The following PCDHA5 variants were observed in gnomAD, a reference collection of about 807,000 sequenced individuals.
The protein encoded by PCDHA5 is protocadherin alpha 5.
Under a neutral mutation model 61.6 loss-of-function variants are expected in PCDHA5, and 43 were observed. The observed-to-expected ratio is 0.70, with a 90% CI of 0.55 to 0.90. PCDHA5 has a LOEUF of 0.90. Ranked by LOEUF, PCDHA5 falls within the 40% of genes least tolerant of loss-of-function variation. PCDHA5 has a pLI of 0.00. For missense variants in PCDHA5, 1,298 were observed against 1,222.7 expected, an observed-to-expected ratio of 1.06 and a Z score of -0.92; for synonymous variants, 627 against 543.9, an observed-to-expected ratio of 1.15 and a Z score of -2.13.
At chr5:141,009,001 A>G (rs1373262105) in intron 3 of PCDHA5, among the ~76,000 whole-genome samples, 1 of 152,246 alleles carries the variant, frequency 6.6e-6, no homozygotes, top group East Asian at 1.9e-4. Flanking sequence ...TAAAAGGAGC[A>G]TATTTTGCCT....
At chr5:140,907,179 G>A (rs1257591299) in intron 1 of PCDHA5, among the ~76,000 whole-genome samples, 2 of 152,160 alleles carry the variant, frequency 1.3e-5, no homozygotes, top group Non-Finnish European at 2.9e-5. Flanking sequence ...CTGATTCAGA[G>A]CATACACAAC....
intron 1 of PCDHA5, among the ~76,000 whole-genome samples, chr5:140,953,252 T>C (rs557973424): frequency 3.3e-5 from 5 of 152,318 alleles, no homozygotes; most frequent in Admixed American, 1.3e-4. Context: ...TTCAGTTTAG[T>C]TCTTTTAGCT....
At chr5:140,923,495 C>T (rs1274980788) in intron 1 of PCDHA5, among the ~76,000 whole-genome samples, 2 of 152,060 alleles carry the variant, frequency 1.3e-5, no homozygotes, top group African/African-American at 4.8e-5. Context: ...CACCACTGCA[C>T]TCCAGCCTGG....
At chr5:140,954,498 G>T (rs2095045375) in intron 1 of PCDHA5, among the ~76,000 whole-genome samples, 1 of 152,156 alleles carries the variant, frequency 6.6e-6, no homozygotes, top group Non-Finnish European at 1.5e-5. Context: ...TTGTGGTTTT[G>T]ATTTGCATTT....
At chr5:140,895,332 G>C (rs1021596445) in intron 1 of PCDHA5, among the ~76,000 whole-genome samples, 1 of 151,584 alleles carries the variant, frequency 6.6e-6, no homozygotes, top group South Asian at 2.1e-4. Context: ...TTCTCAAATT[G>C]TTTTACTATG....
intron 1 of PCDHA5, chr5:140,843,909 G>T: frequency 8.0e-6 from 5 of 623,976 alleles, no homozygotes; most frequent in Non-Finnish European, 1.4e-5. Context: ...CCACAAGTTG[G>T]GTCTATCTTG....
chr5:140,876,144 G>C (rs782301739), intron 1 of PCDHA5: 1 of 1,613,964 alleles, frequency 6.2e-7, no homozygotes, highest in South Asian at 1.1e-5. Context: ...AACTAACAGG[G>C]TCTGTCCAGA....
Position 140,822,661 on chromosome 5 carries a change from T to G in PCDHA5, c.886T>G (p.Ser296Ala). 6.2e-7 allele frequency: 1 copy of G among 1,609,178 alleles called. No homozygotes were observed. Residue 296 changes from serine to alanine, a missense_variant, in exon 1 of 4, where the codon TCT becomes GCT. By Grantham distance (99) the Ser-to-Ala change is moderately conservative. Coordinates refer to ENST00000529859, the MANE Select transcript of PCDHA5 (RefSeq NM_018908.3). ...DDVKSKFIIN[S>A]NTGEIKVNGE... ...TGTAAAGTCCAAATTTATAATTAAT[T>G]CTAATACTGGTGAAATAAAAGTTAA...
intron 1 of PCDHA5, chr5:140,836,574 G>A (rs2150264470): frequency 1.9e-6 from 3 of 1,613,706 alleles, no homozygotes; most frequent in East Asian, 4.5e-5. Flanking sequence ...CTCTGAGGGC[G>A]CATGTAGTTT....
intron 1 of PCDHA5, among the ~76,000 whole-genome samples, chr5:140,978,653 G>T (rs527551897): frequency 6.6e-6 from 1 of 152,196 alleles, no homozygotes; most frequent in Non-Finnish European, 1.5e-5. Flanking sequence ...TGTTCTTCCC[G>T]TAGTGTTTTA....
intron 1 of PCDHA5, chr5:140,968,189 TC>T: frequency 6.2e-7 from 1 of 1,614,034 alleles, no homozygotes; most frequent in Non-Finnish European, 8.5e-7. Context: ...GGACTCCTAT[TC>T]CATCTACATA....
intron 1 of PCDHA5, among the ~76,000 whole-genome samples, chr5:140,895,632 A>T (rs2065081182): frequency 6.6e-6 from 1 of 152,052 alleles, no homozygotes; most frequent in South Asian, 2.1e-4. Context: ...GTCTTTTCAC[A>T]TTCTTTTTTA....
At position 140,882,318 on chromosome 5, in the gene PCDHA5, G is replaced by A. The variant is rs534213144; in HGVS notation, c.2352+58191G>A. On this transcript the variant is annotated intron_variant, in intron 1 of 3. Transcript: ENST00000529859. ...CCAAGACCGCGGCAACTACTGCTCT[G>A]GCTTCTGATCCTCGCAGCCTGGGAG... 5 of 1,614,128 alleles carry A rather than the reference G, an allele frequency of 3.1e-6. No individual in the cohort carries two copies. In the African/African-American group the frequency reaches 6.7e-5, roughly 22 times the overall value.
chr5:140,905,963 G>A (rs182775194), intron 1 of PCDHA5, among the ~76,000 whole-genome samples: 9 of 152,308 alleles, frequency 5.9e-5, no homozygotes, highest in Admixed American at 5.9e-4. Flanking sequence ...TCAAGGGGAG[G>A]AAGATCCAGC....
chr5:140,985,885 G>A (rs1218097274), intron 3 of PCDHA5, among the ~76,000 whole-genome samples: 4 of 151,548 alleles, frequency 2.6e-5, no homozygotes, highest in Non-Finnish European at 5.9e-5. Flanking sequence ...GACTACAGGC[G>A]CCCGCCACCA....
rs2150360116 is a variant in PCDHA5 at position 140,843,442 on chromosome 5, A to G, written c.2352+19315A>G. The G allele has an allele frequency of 4.5e-5, 72 of 1,596,116 alleles. 7 individuals are homozygous for G. The highest frequency in any genetic ancestry group is 1.7e-4 in the Middle Eastern group (1 of 5,982). ...ACCTGATCATCGCCATCTGCGCGGT[A>G]TCCAGCCTGCTGGTGCTCACGCTGC... On this transcript the variant is annotated intron_variant, in intron 1 of 3. Coordinates refer to ENST00000529859, the MANE Select transcript of PCDHA5 (RefSeq NM_018908.3).
chr5:140,875,854 G>C, intron 1 of PCDHA5: 1 of 1,614,160 alleles, frequency 6.2e-7, no homozygotes. Context: ...GGACATTAAC[G>C]ACAACCCGCC....
chr5:140,957,446 C>T (rs1357499949), intron 1 of PCDHA5, among the ~76,000 whole-genome samples: 2 of 152,216 alleles, frequency 1.3e-5, no homozygotes, highest in East Asian at 1.9e-4. Context: ...TTATAAATCA[C>T]ACTTTATCAT....
chr5:140,963,873 C>A (rs757553114), intron 1 of PCDHA5, among the ~76,000 whole-genome samples: 5 of 152,188 alleles, frequency 3.3e-5, no homozygotes, highest in Non-Finnish European at 5.9e-5. Flanking sequence ...GTTTTGCTTA[C>A]TATTGTTTTC....
Sources: allele counts gnomAD v4.1 joint callset (sites outside exome capture counted in the v4.1 genomes callset), GRCh38; gene constraint gnomAD v4.1.1; transcripts MANE v1.5; gene names NCBI Gene and HGNC (gene_info 2026-07-23, HGNC 2026-07-21).